OSBPL3: variants seen among roughly 807,000 people sequenced by gnomAD.
OSBPL3 encodes oxysterol binding protein like 3, also known as oxysterol-binding protein-related protein 3.
In OSBPL3, 65 loss-of-function variants were observed where a neutral mutation model predicts 120.1. The observed-to-expected ratio is 0.54, with a 90% CI of 0.44 to 0.67. The LOEUF is 0.67. Ranked by LOEUF, OSBPL3 falls within the 30% of genes least tolerant of loss-of-function variation. The pLI is 0.00. For missense variants in OSBPL3, 1,004 were observed against 1,082.1 expected (o/e 0.93, Z 1.01); for synonymous variants, 416 against 402.6 (o/e 1.03, Z -0.40).
chr7:24,826,675 G>A (rs1221412585), intron 16 of OSBPL3, among the ~76,000 whole-genome samples: 1 of 152,122 alleles, frequency 6.6e-6, no homozygotes, highest in Non-Finnish European at 1.5e-5. Context: ...TCCACAGAGC[G>A]CCGTTTTGGA....
rs1798839288 is a variant in OSBPL3 at position 24,849,258 on chromosome 7, C to T, written c.1159-82G>A. 1.2e-5 allele frequency: 12 copies of T among 990,162 alleles called. No homozygotes were observed. The highest frequency in any genetic ancestry group is 1.7e-5 in the Non-Finnish European group (11 of 648,992). The allele number at this position is 990,162 out of a possible 1,614,324, so 61.3% of individuals were successfully genotyped here. ...CAGCAGTGGGCCCTGCAGGAGCGAT[C>T]TCTAAGAGCTTGATGAAACTCTTAG... On this transcript the variant is annotated intron_variant, in intron 11 of 22. Transcript: ENST00000313367. The surrounding 1 kb of genome is among the most constrained non-coding windows in gnomAD (Gnocchi z 5.4).
intron 1 of OSBPL3, among the ~76,000 whole-genome samples, chr7:24,905,488 G>A (rs1417954239): frequency 1.3e-5 from 2 of 152,150 alleles, no homozygotes; most frequent in Non-Finnish European, 2.9e-5. Context: ...ATTAGAAACA[G>A]ACAGGAAATT....
At position 24,933,410 on chromosome 7, in the gene OSBPL3, G is replaced by A. The variant is rs1034554612; in HGVS notation, c.-149-40789C>T. Among the ~76,000 whole-genome samples, 5 of 152,044 alleles carry A rather than the reference G, an allele frequency of 3.3e-5. No homozygotes were observed. Among genetic ancestry groups the A allele is most frequent in the Non-Finnish European group, 7.4e-5 (5 of 68,002 alleles). ...TCTCAATGGACTCTGATTTGTTACT[G>A]AATAATTTCATGGACATAACAATAT... On this transcript the variant is annotated intron_variant, in intron 1 of 22. Coordinates refer to ENST00000313367, the MANE Select transcript of OSBPL3 (RefSeq NM_015550.4). This position sits in a 1 kb window ranked among gnomAD's most constrained non-coding sequence, Gnocchi z 5.1.
chr7:24,809,856 T>G lies in OSBPL3; in HGVS notation c.2268A>C (p.Glu756Asp), dbSNP rs969182340. ...AVHRLFGKWH[E>D]SIYCGGGSSS... ...AGGAGCCGCCGCCACAGTAGATGCT[T>G]TCATGCCATTTCCCAAACAGCCGAT... The change falls in exon 20 of 23, where the codon GAA becomes GAC. Residue 756 changes from glutamate to aspartate, a missense_variant. Transcript: ENST00000313367. The G allele has an allele frequency of 1.2e-6, 2 of 1,614,050 alleles. No individual in the cohort carries two copies. The highest frequency in any genetic ancestry group is 2.7e-5 in the African/African-American group (2 of 74,914).
chr7:24,976,667 T>C (rs1817623982), intron 1 of OSBPL3, among the ~76,000 whole-genome samples: 1 of 152,196 alleles, frequency 6.6e-6, no homozygotes, highest in Non-Finnish European at 1.5e-5. Flanking sequence ...CACCTAACAG[T>C]TTCCATCTTC....
intron 2 of OSBPL3, among the ~76,000 whole-genome samples, chr7:24,889,483 G>A (rs769161921): frequency 6.6e-6 from 1 of 152,112 alleles, no homozygotes; most frequent in Admixed American, 6.5e-5. Flanking sequence ...GGGGGGTGAT[G>A]GGTATATTAG....
In OSBPL3 at chr7:24,913,057, G is replaced by A. The variant is rs931759758; in HGVS notation, c.-149-20436C>T. Among the ~76,000 whole-genome samples, 2 of 152,168 alleles carry A rather than the reference G, an allele frequency of 1.3e-5. No individual in the cohort carries two copies. The highest frequency in any genetic ancestry group is 4.1e-4 in the South Asian group (2 of 4,830). ...CTCAGCCGATAACCAGCATCAACCC[G>A]CAGACATGTGACTGAGCAAGGATTC... On this transcript the variant is annotated intron_variant, in intron 1 of 22. Transcript: ENST00000313367. The surrounding 1 kb of genome is among the most constrained non-coding windows in gnomAD (Gnocchi z 5.3).
chr7:24,804,528 A>T lies in OSBPL3; in HGVS notation c.2445-91T>A. ...TCAACTTGCATGTGTCCACGACTGG[A>T]TATTCAAAATCCTCTCCTATACGTA... On this transcript the variant is annotated intron_variant, in intron 21 of 22. Transcript: ENST00000313367. The surrounding 1 kb of genome is among the most constrained non-coding windows in gnomAD (Gnocchi z 5.4). 1 of 1,249,284 alleles carries T rather than the reference A, an allele frequency of 8.0e-7. No individual in the cohort carries two copies. The highest frequency in any genetic ancestry group is 1.1e-6 in the Non-Finnish European group (1 of 887,770). The allele number at this position is 1,249,284 out of a possible 1,614,324, so 77.4% of individuals were successfully genotyped here. A position where few individuals can be genotyped will look rare whatever the true frequency, so the allele number is the denominator to read the frequency against.
At chr7:24,814,676 T>C (rs1182088047) in intron 19 of OSBPL3, among the ~76,000 whole-genome samples, 1 of 152,168 alleles carries the variant, frequency 6.6e-6, no homozygotes, top group Non-Finnish European at 1.5e-5. Context: ...GCGACCACCA[T>C]TCTGCTTTCT....
intron 19 of OSBPL3, among the ~76,000 whole-genome samples, chr7:24,810,593 G>A (rs554382907): frequency 2.0e-5 from 3 of 152,212 alleles, no homozygotes; most frequent in African/African-American, 7.2e-5. Context: ...ATACAACACA[G>A]TTATTAATTA....
chr7:24,921,417 A>C (rs979350732), intron 1 of OSBPL3, among the ~76,000 whole-genome samples: 1 of 152,224 alleles, frequency 6.6e-6, no homozygotes, highest in Admixed American at 6.5e-5. Flanking sequence ...GCTGAGTTCC[A>C]AAAGGTAATT....
chr7:24,950,799 G>A (rs945453842), intron 1 of OSBPL3, among the ~76,000 whole-genome samples: 10 of 151,764 alleles, frequency 6.6e-5, no homozygotes, highest in African/African-American at 2.4e-4. Context: ...AAAGAAAGAG[G>A]GTCATTCAGA....
chr7:24,949,811 T>A (rs929214962), intron 1 of OSBPL3, among the ~76,000 whole-genome samples: 1 of 152,166 alleles, frequency 6.6e-6, no homozygotes, highest in Non-Finnish European at 1.5e-5. Flanking sequence ...TCTGTTATTA[T>A]TGACTTTCTC....
At chr7:24,925,342 G>T (rs1051001786) in intron 1 of OSBPL3, among the ~76,000 whole-genome samples, 4 of 152,152 alleles carry the variant, frequency 2.6e-5, no homozygotes, top group Admixed American at 1.3e-4. Flanking sequence ...TGGAACACTG[G>T]GGGGTGATGT....
Position 24,953,761 on chromosome 7 carries a change from C to G in OSBPL3, c.-150+26125G>C, listed in dbSNP as rs566176747. Among the ~76,000 whole-genome samples, 1 of 152,192 alleles carries G rather than the reference C, an allele frequency of 6.6e-6. No individual in the cohort carries two copies. Among genetic ancestry groups the G allele is most frequent in the South Asian group, 2.1e-4 (1 of 4,826 alleles). On this transcript the variant is annotated intron_variant, in intron 1 of 22. Transcript: ENST00000313367. This position sits in a 1 kb window ranked among gnomAD's most constrained non-coding sequence, Gnocchi z 4.3. ...CCAAGTCACTTAGATCAAGGCACAA[C>G]TGGAGCTCCATTTAATAAATGGTCA...
rs1799294883 is a variant in OSBPL3 at position 24,852,591 on chromosome 7, C to T, written c.1071G>A (p.Glu357=). 5 of 1,609,642 alleles carry T rather than the reference C, an allele frequency of 3.1e-6. No homozygotes were observed. The East Asian group carries it at 1.1e-4, about 36-fold the overall frequency. ...LRSAFNIMSA[E]REKLKQLMEQ... Reference sequence around the variant, plus strand: ...CCATCAGCTGCTTCAGTTTCTCTCTCTCCGCTGACATGATATTAAAAGCTG... The same window carrying T: ...CCATCAGCTGCTTCAGTTTCTCTCTTTCCGCTGACATGATATTAAAAGCTG... Residue 357 remains glutamate, a synonymous_variant, in exon 11 of 23, where the codon GAG becomes GAA. Coordinates refer to ENST00000313367, the MANE Select transcript of OSBPL3 (RefSeq NM_015550.4). This position sits in a 1 kb window ranked among gnomAD's most constrained non-coding sequence, Gnocchi z 4.1.
rs1431768095 is a variant in OSBPL3 at position 24,916,783 on chromosome 7, AT to A, written c.-149-24163del. 2.0e-5 allele frequency among the ~76,000 whole-genome samples: 3 copies of A among 151,940 alleles called. No homozygotes were observed. The highest frequency in any genetic ancestry group is 4.4e-5 in the Non-Finnish European group (3 of 68,000). ...TAAGAAAAAAACGTGGTGCTTGGGT[AT>A]TTTCACTAGAGATGTAAATGGAAAC... On this transcript the variant is annotated intron_variant, in intron 1 of 22. Coordinates refer to ENST00000313367, the MANE Select transcript of OSBPL3 (RefSeq NM_015550.4). This position sits in a 1 kb window ranked among gnomAD's most constrained non-coding sequence, Gnocchi z 4.9.
chr7:24,979,565 T>A (rs1326518098), intron 1 of OSBPL3, among the ~76,000 whole-genome samples: 1 of 152,130 alleles, frequency 6.6e-6, no homozygotes, highest in African/African-American at 2.4e-5. Flanking sequence ...CCAGGACAGC[T>A]CCGCGCGCCG....
intron 2 of OSBPL3, among the ~76,000 whole-genome samples, chr7:24,880,831 T>C (rs1445706587): frequency 2.6e-5 from 4 of 152,194 alleles, no homozygotes; most frequent in Non-Finnish European, 5.9e-5. Flanking sequence ...TGAATGGGAC[T>C]GGGGCCTGAG....
Sources: gnomAD v4.1 joint callset for allele counts (sites outside exome capture counted in the v4.1 genomes callset) on GRCh38, gnomAD v4.1.1 for gene constraint, Gnocchi (gnomAD v3.1) non-coding constraint, MANE v1.5 for transcripts, NCBI Gene and HGNC (gene_info 2026-07-23, HGNC 2026-07-21) for gene names.